The following ANKRD27 variants were observed in gnomAD, a reference collection of about 807,000 sequenced individuals.
ANKRD27 encodes the protein ankyrin repeat domain-containing protein 27.
A neutral mutation model predicts 129.7 loss-of-function variants in ANKRD27; 112 were observed. The ratio of observed to expected loss-of-function variants is 0.86; its 90% CI spans 0.74 to 1.01. The LOEUF is 1.01. Among genes scored for constraint, ANKRD27 ranks in the 50% least tolerant of loss-of-function variants. ANKRD27 has a pLI of 0.00. For missense variants in ANKRD27, 1,258 were observed against 1,300.5 expected, an observed-to-expected ratio of 0.97 and a Z score of 0.50; for synonymous variants, 516 against 511.2, an observed-to-expected ratio of 1.01 and a Z score of -0.13.
chr19:32,628,635 T>G, intron 14 of ANKRD27, 87 bp downstream of exon 14: 1 of 1,544,702 alleles, frequency 6.5e-7, no homozygotes, highest in South Asian at 1.2e-5. Flanking sequence ...AGTCCTTATC[T>G]GCAGTCACAC....
chr19:32,606,939 C>CAAAAAAAAAAAAAAAAAAAAAAAAAAAAA, intron 23 of ANKRD27, among the ~76,000 whole-genome samples: 1 of 65,648 alleles, frequency 1.5e-5, no homozygotes, highest in South Asian at 7.3e-4. Context: ...CCCATCTCCA[C>CAAAAAAAAAAAAAAAAAAAAAAAAAAAAA]AAAAAAAAAA....
At chr19:32,600,072 T>A in intron 26 of ANKRD27, 22 bp from the exon 27 acceptor site, 1 of 1,511,500 alleles carries the variant, frequency 6.6e-7, no homozygotes, top group Non-Finnish European at 9.2e-7. Flanking sequence ...AAGATAAACA[T>A]CTAAAAACTT....
Position 32,642,104 on chromosome 19 carries a change from T to C in ANKRD27, c.824A>G (p.Asn275Ser). 1 of 1,610,752 alleles carries C rather than the reference T, an allele frequency of 6.2e-7. No homozygotes were observed. The change falls in exon 10 of 29, where the codon AAC becomes AGC. Residue 275 changes from asparagine (N) to serine (S), a missense_variant. Coordinates refer to ENST00000306065, the MANE Select transcript of ANKRD27 (RefSeq NM_032139.3). ...PRAKRELAQL[N>S]KCTSPQQKLV... ...CTTCTGCTGTGGGGAGGTGCATTTG[T>C]TCAGCTGAGCCAGCTCTCTTTTGGC... is the stretch of plus-strand genomic sequence containing the variant.
intron 12 of ANKRD27, among the ~76,000 whole-genome samples, chr19:32,635,335 C>T (rs964356606): frequency 1.3e-5 from 2 of 152,206 alleles, no homozygotes; most frequent in Non-Finnish European, 2.9e-5. Context: ...GAGAGAAACA[C>T]AAGTTCCCAC....
At chr19:32,658,854 T>A (rs1967592803) in intron 2 of ANKRD27, 60 bp downstream of exon 2, 5 of 1,347,384 alleles carry the variant, frequency 3.7e-6, no homozygotes, top group Middle Eastern at 1.8e-4. Flanking sequence ...TGAGCCTTAG[T>A]CTACCACGTC....
At chr19:32,644,597 C>A (rs749649339) in intron 4 of ANKRD27, 118 bp from the exon 5 acceptor site, 1 of 1,209,064 alleles carries the variant, frequency 8.3e-7, no homozygotes, top group Non-Finnish European at 1.2e-6. Context: ...TTTCAAGACA[C>A]TACACAAGAA....
intron 4 of ANKRD27, among the ~76,000 whole-genome samples, chr19:32,645,909 T>C (rs1335575633): frequency 6.6e-6 from 1 of 152,070 alleles, no homozygotes; most frequent in Non-Finnish European, 1.5e-5. Context: ...GTGCTAGGAT[T>C]ACAAGCGTGA....
At chr19:32,625,186 G>A (rs900477499) in intron 17 of ANKRD27, among the ~76,000 whole-genome samples, 1 of 152,154 alleles carries the variant, frequency 6.6e-6, no homozygotes, top group Non-Finnish European at 1.5e-5. Flanking sequence ...AACCTGGAAG[G>A]AGGAGGTTGC....
At chr19:32,610,649 A>G (rs1250784696) in intron 22 of ANKRD27, among the ~76,000 whole-genome samples, 1 of 151,614 alleles carries the variant, frequency 6.6e-6, no homozygotes, top group Non-Finnish European at 1.5e-5. Context: ...AAAATTAGCC[A>G]GGTGTGGCGG....
At chr19:32,654,432 G>A (rs1162246780) in intron 2 of ANKRD27, among the ~76,000 whole-genome samples, 2 of 152,216 alleles carry the variant, frequency 1.3e-5, no homozygotes, top group Non-Finnish European at 2.9e-5. Context: ...TCCCTTAGAG[G>A]TGACAGAAAG....
intron 22 of ANKRD27, among the ~76,000 whole-genome samples, chr19:32,614,279 G>A (rs1359293108): frequency 1.3e-5 from 2 of 152,170 alleles, no homozygotes; most frequent in African/African-American, 2.4e-5. Context: ...TTCGATAAAG[G>A]ATTTAAAGAC....
chr19:32,600,780 G>C (rs1971640179), intron 26 of ANKRD27, among the ~76,000 whole-genome samples: 1 of 151,998 alleles, frequency 6.6e-6, no homozygotes, highest in Non-Finnish European at 1.5e-5. Context: ...CAATTACGGT[G>C]AGACAGTCTC....
intron 25 of ANKRD27, 128 bp downstream of exon 25, chr19:32,604,135 C>A (rs1257295721): frequency 3.9e-5 from 43 of 1,095,384 alleles, no homozygotes; most frequent in Non-Finnish European, 5.2e-5. Context: ...TCTGGCACAC[C>A]AACTACGCCC....
chr19:32,615,560 G>A (rs910224895), intron 22 of ANKRD27, 98 bp downstream of exon 22: 1 of 1,597,858 alleles, frequency 6.3e-7, no homozygotes, highest in Non-Finnish European at 8.6e-7. Context: ...CTCCGGCCTG[G>A]GTGACAGAAC....
At chr19:32,658,766 C>G in intron 2 of ANKRD27, 148 bp downstream of exon 2, 2 of 688,288 alleles carry the variant, frequency 2.9e-6, no homozygotes, top group South Asian at 1.7e-5. Flanking sequence ...CTCATGGGGG[C>G]CCCTCGCTGC....
Position 32,607,704 on chromosome 19 carries a change from G to C in ANKRD27, c.2304C>G (p.Ala768=), listed in dbSNP as rs1224448094. The change falls in exon 23 of 29, where the codon GCC becomes GCG. Residue 768 remains alanine, a synonymous_variant. Coordinates refer to ENST00000306065, the MANE Select transcript of ANKRD27 (RefSeq NM_032139.3). ...GGTCTGCGTTCCTGGCACCTGCGTT[G>C]GCCCCGTGCTTCAGCAGGAGGGGGA... is the stretch of plus-strand genomic sequence containing the variant. The part of the protein sequence containing the change: ...DLIPLLLKHG[A]NAGARNADQA... The C allele has an allele frequency of 1.2e-6, 2 of 1,612,880 alleles. No individual in the cohort carries two copies. Among genetic ancestry groups the C allele is most frequent in the Non-Finnish European group, 1.7e-6 (2 of 1,179,732 alleles).
intron 22 of ANKRD27, among the ~76,000 whole-genome samples, chr19:32,613,920 G>A (rs1244426813): frequency 6.6e-6 from 1 of 152,064 alleles, no homozygotes; most frequent in Non-Finnish European, 1.5e-5. Flanking sequence ...ATGTTAGCCA[G>A]GATGGTCTTG....
At chr19:32,644,972 T>G (rs916588779) in intron 4 of ANKRD27, among the ~76,000 whole-genome samples, 2 of 152,126 alleles carry the variant, frequency 1.3e-5, no homozygotes, top group Non-Finnish European at 2.9e-5. Flanking sequence ...CCTGGAATTG[T>G]GCAATGCCCG....
chr19:32,632,143 G>T (rs1409330719), intron 12 of ANKRD27, among the ~76,000 whole-genome samples: 1 of 151,646 alleles, frequency 6.6e-6, no homozygotes, highest in Non-Finnish European at 1.5e-5. Flanking sequence ...CAAAAAATTA[G>T]CAGGGCATGG....
Sources: gnomAD v4.1 joint callset for allele counts (sites outside exome capture counted in the v4.1 genomes callset) on GRCh38, gnomAD v4.1.1 for gene constraint, MANE v1.5 for transcripts, NCBI Gene and HGNC (gene_info 2026-07-23, HGNC 2026-07-21) for gene names.